ASIC2: variants seen among roughly 807,000 people sequenced by gnomAD.
ASIC2 encodes acid sensing ion channel subunit 2.
ASIC2 carries 25 observed loss-of-function variants against 57.3 expected under a neutral mutation model. That is an observed-to-expected ratio of 0.44 (90% CI 0.32 to 0.61). The LOEUF is 0.61. ASIC2 is among the 20% of genes least tolerant of loss of function. The pLI is 0.06. For missense variants in ASIC2, 641 were observed against 738.1 expected (o/e 0.87, Z 1.52); for synonymous variants, 319 against 307.5 (o/e 1.04, Z -0.39).
chr17:33,357,932 C>G (rs1908449782), intron 1 of ASIC2, among the ~76,000 whole-genome samples: 1 of 152,066 alleles, frequency 6.6e-6, no homozygotes, highest in African/African-American at 2.4e-5. Flanking sequence ...AGTGAGATGC[C>G]CAGGCTTCAT....
intron 1 of ASIC2, among the ~76,000 whole-genome samples, chr17:33,928,509 G>T (rs892035719): frequency 9.2e-5 from 14 of 152,310 alleles, no homozygotes; most frequent in Admixed American, 7.2e-4. Flanking sequence ...TTGGACTAGG[G>T]TCAACAGCTG....
At chr17:33,994,304 CA>C (rs1368279260) in intron 1 of ASIC2, among the ~76,000 whole-genome samples, 1 of 152,152 alleles carries the variant, frequency 6.6e-6, no homozygotes, top group African/African-American at 2.4e-5. Flanking sequence ...GGATTAGGCA[CA>C]GGATGCAAAG....
At chr17:33,527,489 G>T (rs1257911056) in intron 1 of ASIC2, among the ~76,000 whole-genome samples, 1 of 152,166 alleles carries the variant, frequency 6.6e-6, no homozygotes, top group East Asian at 1.9e-4. Context: ...ATACATCAGG[G>T]TGGCAGAGGA....
intron 1 of ASIC2, among the ~76,000 whole-genome samples, chr17:33,728,563 AT>A (rs763245003): frequency 2.6e-5 from 4 of 152,066 alleles, no homozygotes; most frequent in Non-Finnish European, 4.4e-5. Context: ...ACAGAAAGAA[AT>A]TGGTTTTCTC....
intron 1 of ASIC2, among the ~76,000 whole-genome samples, chr17:33,518,475 G>C (rs1914639887): frequency 6.6e-6 from 1 of 152,172 alleles, no homozygotes; most frequent in African/African-American, 2.4e-5. Context: ...GGCACCATGA[G>C]CACTAAGCTC....
At chr17:33,175,201 A>G (rs1905701817) in intron 1 of ASIC2, among the ~76,000 whole-genome samples, 1 of 152,214 alleles carries the variant, frequency 6.6e-6, no homozygotes, top group African/African-American at 2.4e-5. Context: ...TTAAATTAGT[A>G]CTGATTAGGC....
chr17:33,946,694 C>T (rs978658370), intron 1 of ASIC2, among the ~76,000 whole-genome samples: 3 of 152,148 alleles, frequency 2.0e-5, no homozygotes, highest in African/African-American at 7.2e-5. Flanking sequence ...AGAGTCTAAA[C>T]CCAGAGTCAA....
intron 1 of ASIC2, among the ~76,000 whole-genome samples, chr17:33,593,279 T>C (rs893773816): frequency 2.0e-5 from 3 of 152,204 alleles, no homozygotes; most frequent in Non-Finnish European, 4.4e-5. Flanking sequence ...TCCAGTGGTT[T>C]TGAATCATGC....
intron 1 of ASIC2, among the ~76,000 whole-genome samples, chr17:33,388,673 T>C (rs1316319964): frequency 6.6e-6 from 1 of 152,246 alleles, no homozygotes; most frequent in East Asian, 1.9e-4. Flanking sequence ...GGTAATTGAC[T>C]AGTTCACCAC....
chr17:33,648,405 A>G (rs1379437468), intron 1 of ASIC2, among the ~76,000 whole-genome samples: 2 of 152,242 alleles, frequency 1.3e-5, no homozygotes, highest in Non-Finnish European at 2.9e-5. Context: ...AGCACTTCGC[A>G]TGTTGTTCAC....
At chr17:34,039,856 T>C (rs1393238152) in intron 1 of ASIC2, 1 of 1,605,602 alleles carries the variant, frequency 6.2e-7, no homozygotes, top group South Asian at 1.1e-5. Context: ...GTCCAGGCTA[T>C]GCAATTCTTC....
At chr17:33,406,786 C>G (rs1910490244) in intron 1 of ASIC2, among the ~76,000 whole-genome samples, 1 of 152,154 alleles carries the variant, frequency 6.6e-6, no homozygotes, top group African/African-American at 2.4e-5. Context: ...TATATTCCTA[C>G]CCCTAAAGAG....
At chr17:33,762,500 T>C (rs893760101) in intron 1 of ASIC2, among the ~76,000 whole-genome samples, 18 of 152,098 alleles carry the variant, frequency 1.2e-4, no homozygotes, top group Non-Finnish European at 1.5e-5. Context: ...GACCAGACCA[T>C]TATAGTCACC....
At chr17:33,258,677 C>T (rs1325074609) in intron 1 of ASIC2, among the ~76,000 whole-genome samples, 1 of 152,102 alleles carries the variant, frequency 6.6e-6, no homozygotes, top group Non-Finnish European at 1.5e-5. Context: ...GGGAGTAGAG[C>T]CCAGACGTGG....
At chr17:34,143,457 C>T (rs1292504160) in intron 1 of ASIC2, among the ~76,000 whole-genome samples, 1 of 152,204 alleles carries the variant, frequency 6.6e-6, no homozygotes, top group Non-Finnish European at 1.5e-5. Flanking sequence ...GACTGGGTTA[C>T]TTCTTGTAGG....
At chr17:33,944,436 G>T (rs933748393) in intron 1 of ASIC2, among the ~76,000 whole-genome samples, 11 of 152,220 alleles carry the variant, frequency 7.2e-5, no homozygotes, top group African/African-American at 2.4e-4. Context: ...CATCCATGGT[G>T]GTTCAGAGAG....
intron 1 of ASIC2, among the ~76,000 whole-genome samples, chr17:33,759,817 G>A (rs1366394707): frequency 6.6e-6 from 1 of 152,192 alleles, no homozygotes; most frequent in Non-Finnish European, 1.5e-5. Context: ...TCTATAGGAT[G>A]ACAGAAAGCA....
chr17:33,246,823 C>T (rs1314449409), intron 1 of ASIC2, among the ~76,000 whole-genome samples: 1 of 152,214 alleles, frequency 6.6e-6, no homozygotes, highest in Admixed American at 6.5e-5. Flanking sequence ...TAGGGACTTG[C>T]TCAAGCTCAC....
intron 1 of ASIC2, among the ~76,000 whole-genome samples, chr17:33,904,450 T>G (rs1415090912): frequency 6.6e-6 from 1 of 152,190 alleles, no homozygotes; most frequent in African/African-American, 2.4e-5. Context: ...TTTAAAAATA[T>G]AGGTATCTGA....
Sources: gnomAD v4.1 joint callset for allele counts (sites outside exome capture counted in the v4.1 genomes callset) on GRCh38, gnomAD v4.1.1 for gene constraint, MANE v1.5 for transcripts, NCBI Gene and HGNC (gene_info 2026-07-23, HGNC 2026-07-21) for gene names.